NTM: variants seen among roughly 807,000 people sequenced by gnomAD.
NTM encodes the protein neurotrimin.
In NTM, 13 loss-of-function variants were observed where a neutral mutation model predicts 42.1. The ratio of observed to expected loss-of-function variants is 0.31; its 90% CI spans 0.20 to 0.49. NTM has a LOEUF of 0.49. Ranked by LOEUF, NTM falls within the 20% of genes least tolerant of loss-of-function variation. The pLI, the probability that NTM is intolerant of heterozygous loss-of-function variation, is 0.99. For missense variants in NTM, 373 were observed against 452.8 expected, an observed-to-expected ratio of 0.82 and a Z score of 1.60; for synonymous variants, 187 against 179.2, an observed-to-expected ratio of 1.04 and a Z score of -0.35.
rs2095871532 is a variant in NTM, at chr11:132,336,306, C to T, written c.*1160C>T. 1 of 151,976 alleles carries T rather than the reference C, an allele frequency of 6.6e-6. No individual in the cohort carries two copies. The highest frequency in any genetic ancestry group is 1.5e-5 in the Non-Finnish European group (1 of 67,962). 9.4% of individuals were successfully genotyped at this position (151,976 alleles called of 1,614,324 possible). A position where few individuals can be genotyped will look rare whatever the true frequency, so the allele number is the denominator to read the frequency against. On this transcript the variant is annotated 3_prime_UTR_variant, in exon 9 of 9. Transcript: ENST00000683400. ...ATCTTCTAAAAGATGATAGAGTTTA[C>T]TGGTAATTGTGTAATCAGCTCCTGC...
intron 1 of NTM, among the ~76,000 whole-genome samples, chr11:131,875,565 A>G (rs1252643683): frequency 2.0e-5 from 3 of 152,254 alleles, no homozygotes; most frequent in South Asian, 4.1e-4. Context: ...GAAAAAAGAA[A>G]GCTATACCCA....
At chr11:131,373,503 A>C (rs1250750672) in intron 1 of NTM, among the ~76,000 whole-genome samples, 1 of 151,998 alleles carries the variant, frequency 6.6e-6, no homozygotes, top group Non-Finnish European at 1.5e-5. Context: ...TGAGGGAATC[A>C]GCACTGATTA....
At chr11:131,844,105 A>G (rs1452401684) in intron 1 of NTM, among the ~76,000 whole-genome samples, 1 of 152,046 alleles carries the variant, frequency 6.6e-6, no homozygotes, top group Non-Finnish European at 1.5e-5. Flanking sequence ...ATAATTTCCT[A>G]CCCGAAAAAC....
At chr11:132,321,546 C>G (rs371800104) in intron 7 of NTM, among the ~76,000 whole-genome samples, 3 of 152,134 alleles carry the variant, frequency 2.0e-5, no homozygotes, top group Non-Finnish European at 2.9e-5. Context: ...CCAAATCTAC[C>G]TCTGATTGGT....
intron 1 of NTM, among the ~76,000 whole-genome samples, chr11:131,790,114 A>G (rs2090718360): frequency 6.6e-6 from 1 of 152,174 alleles, no homozygotes; most frequent in African/African-American, 2.4e-5. Flanking sequence ...TAAAAGGATA[A>G]GAAGATGGCA....
At chr11:131,563,126 C>A (rs1334053384) in intron 1 of NTM, among the ~76,000 whole-genome samples, 1 of 152,206 alleles carries the variant, frequency 6.6e-6, no homozygotes, top group Non-Finnish European at 1.5e-5. Flanking sequence ...TAATAGCTAC[C>A]TGCCTCCTGG....
At chr11:132,226,393 A>T (rs1289103102) in intron 4 of NTM, among the ~76,000 whole-genome samples, 1 of 152,030 alleles carries the variant, frequency 6.6e-6, no homozygotes, top group Non-Finnish European at 1.5e-5. Context: ...CTTTTTAATG[A>T]TTGCCATTCT....
intron 1 of NTM, among the ~76,000 whole-genome samples, chr11:131,533,422 C>A (rs1025777660): frequency 2.6e-5 from 4 of 152,176 alleles, no homozygotes; most frequent in African/African-American, 9.7e-5. Flanking sequence ...TTACACCAGC[C>A]CAGGAGAGAA....
At chr11:131,958,300 T>C (rs970887022) in intron 2 of NTM, among the ~76,000 whole-genome samples, 1 of 152,010 alleles carries the variant, frequency 6.6e-6, no homozygotes, top group Admixed American at 6.6e-5. Context: ...GGGTATTTCC[T>C]CCCTCTCAGT....
intron 4 of NTM, among the ~76,000 whole-genome samples, chr11:132,245,954 G>A (rs1023569593): frequency 6.6e-5 from 10 of 152,276 alleles, no homozygotes; most frequent in African/African-American, 1.4e-4. Context: ...CAGCTGCCGC[G>A]TCAGGATCTT....
chr11:131,423,236 C>T (rs983561343), intron 1 of NTM, among the ~76,000 whole-genome samples: 6 of 152,184 alleles, frequency 3.9e-5, no homozygotes, highest in African/African-American at 1.4e-4. Context: ...GGACCTATTG[C>T]ACCACTTTAT....
chr11:131,881,723 C>T (rs749020280), intron 1 of NTM, among the ~76,000 whole-genome samples: 1 of 152,180 alleles, frequency 6.6e-6, no homozygotes, highest in African/African-American at 2.4e-5. Flanking sequence ...ATATTTTCAG[C>T]CTACAATTTG....
chr11:132,204,484 C>G (rs1265179043), intron 3 of NTM, among the ~76,000 whole-genome samples: 1 of 152,148 alleles, frequency 6.6e-6, no homozygotes, highest in Non-Finnish European at 1.5e-5. Context: ...GCAAGCCAGG[C>G]AGGCTGGGGG....
intron 3 of NTM, among the ~76,000 whole-genome samples, chr11:132,166,101 T>G (rs1021222323): frequency 6.6e-6 from 1 of 152,242 alleles, no homozygotes; most frequent in African/African-American, 2.4e-5. Context: ...CTTGTTGTAG[T>G]TTTGACACAA....
intron 1 of NTM, among the ~76,000 whole-genome samples, chr11:131,497,249 T>A (rs1955444556): frequency 6.6e-6 from 1 of 152,120 alleles, no homozygotes; most frequent in Non-Finnish European, 1.5e-5. Context: ...AGTGCAGAGG[T>A]GCGATCTCGG....
chr11:131,818,632 C>CCATT (rs966468838), intron 1 of NTM, among the ~76,000 whole-genome samples: 4 of 152,118 alleles, frequency 2.6e-5, no homozygotes, highest in Admixed American at 6.5e-5. Context: ...AACAGAGGTA[C>CCATT]CATTCATTCA....
At chr11:131,448,426 C>T (rs1224346137) in intron 1 of NTM, among the ~76,000 whole-genome samples, 1 of 152,232 alleles carries the variant, frequency 6.6e-6, no homozygotes. Context: ...GCAGTCCTGG[C>T]TCTTGAATAC....
intron 1 of NTM, among the ~76,000 whole-genome samples, chr11:131,438,296 C>A: frequency 6.6e-6 from 1 of 152,008 alleles, no homozygotes; most frequent in Non-Finnish European, 1.5e-5. Flanking sequence ...TTTGTGGTGT[C>A]CTCTGTATTT....
At chr11:131,602,330 A>T (rs2060557697) in intron 1 of NTM, among the ~76,000 whole-genome samples, 1 of 152,180 alleles carries the variant, frequency 6.6e-6, no homozygotes, top group African/African-American at 2.4e-5. Flanking sequence ...TTCCATCGCC[A>T]TGCAGTGCGG....
Sources: allele counts gnomAD v4.1 joint callset (sites outside exome capture counted in the v4.1 genomes callset), GRCh38; gene constraint gnomAD v4.1.1; transcripts MANE v1.5; gene names NCBI Gene and HGNC (gene_info 2026-07-23, HGNC 2026-07-21).